AATK: variants seen among roughly 807,000 people sequenced by gnomAD.
The protein encoded by AATK is serine/threonine-protein kinase LMTK1.
A neutral mutation model predicts 114.3 loss-of-function variants in AATK; 91 were observed. The observed-to-expected ratio is 0.80, with a 90% CI of 0.67 to 0.95. The LOEUF is 0.95. AATK is among the 40% of genes least tolerant of loss of function. The pLI is 0.00. For synonymous variants in AATK, 1,075 were observed against 916.5 expected, an observed-to-expected ratio of 1.17 and a Z score of -3.12; for missense variants, 2,176 against 1,965.2, an observed-to-expected ratio of 1.11 and a Z score of -2.03.
Position 81,122,306 on chromosome 17 carries a change from C to A in AATK, c.1630G>T (p.Asp544Tyr). 1 of 1,509,830 alleles carries A rather than the reference C, an allele frequency of 6.6e-7. No individual in the cohort carries two copies. The highest frequency in any genetic ancestry group is 1.2e-5 in the South Asian group (1 of 81,920). 93.5% of individuals were successfully genotyped at this position (1,509,830 alleles called of 1,614,324 possible). ...LEEAAPAAGH[D>Y]PDCAGCAPSP... ...GGGGCGCAGCCGGCGCAGTCAGGGT[C>A]GTGGCCGGCGGCGGGTGCGGCCTCC... Residue 544 changes from aspartate to tyrosine, a missense_variant, in exon 11 of 14, where the codon GAC becomes TAC. Around this residue, in one of 4 missense-constraint regions of AATK, gnomAD observed 1,701 missense variants for 1,394.7 expected, o/e 1.22. Transcript: ENST00000326724.
chr17:81,119,651 A>ACGGGCC, intron 12 of AATK, 71 bp from the exon 13 acceptor site: 3 of 548,794 alleles, frequency 5.5e-6, no homozygotes, highest in South Asian at 6.7e-5. Context: ...TCCCACAGTC[A>ACGGGCC]CGGGCCCAGG....
intron 1 of AATK, chr17:81,160,174 GC>G (rs1385458882): frequency 9.7e-6 from 8 of 821,926 alleles, no homozygotes; most frequent in African/African-American, 1.9e-5. Flanking sequence ...CCTGGCCACG[GC>G]CCCCACCCCC....
chr17:81,151,295 A>G (rs59750634), intron 1 of AATK, among the ~76,000 whole-genome samples: 3 of 131,084 alleles, frequency 2.3e-5, no homozygotes, highest in Non-Finnish European at 4.9e-5. Flanking sequence ...TGTCTCCCCC[A>G]CCGACCCCTC....
chr17:81,163,389 C>T (rs974268264), intron 1 of AATK, among the ~76,000 whole-genome samples: 4 of 152,222 alleles, frequency 2.6e-5, no homozygotes, highest in African/African-American at 9.6e-5. Flanking sequence ...AGCCTGGACC[C>T]GGCCATCCTG....
chr17:81,148,258 C>T (rs1037361020), intron 1 of AATK, among the ~76,000 whole-genome samples: 5 of 152,152 alleles, frequency 3.3e-5, no homozygotes, highest in African/African-American at 1.2e-4. Context: ...AAACCTGATC[C>T]CATCACTGCT....
At position 81,126,956 on chromosome 17, in the gene AATK, AGTGT is replaced by A; in HGVS notation, c.622-400_622-397del. 1 of 600,924 alleles carries A rather than the reference AGTGT, an allele frequency of 1.7e-6. No individual in the cohort carries two copies. The highest frequency in any genetic ancestry group is 2.2e-6 in the Non-Finnish European group (1 of 455,472). 37.2% of individuals were successfully genotyped at this position (600,924 alleles called of 1,614,324 possible). A position where few individuals can be genotyped will look rare whatever the true frequency, so the allele number is the denominator to read the frequency against. ...GGTCAACGTCAGGAGTCCAGACGCC[AGTGT>A]GTGAGGGCCCCTGTCCCGAGGGAAG... On this transcript the variant is annotated intron_variant, in intron 6 of 13. Transcript: ENST00000326724. This position sits in a 1 kb window ranked among gnomAD's most constrained non-coding sequence, Gnocchi z 5.1.
intron 3 of AATK, among the ~76,000 whole-genome samples, chr17:81,130,515 C>G (rs115236684): frequency 6.6e-6 from 1 of 152,134 alleles, no homozygotes; most frequent in Non-Finnish European, 1.5e-5. Context: ...GGCCCCTCCT[C>G]GCAGCCTGAG....
chr17:81,132,639 C>G (rs371695274), intron 2 of AATK: 6 of 287,924 alleles, frequency 2.1e-5, no homozygotes, highest in African/African-American at 1.1e-4. Context: ...GGGTCGGGCC[C>G]GGGCTCCAGG....
At chr17:81,132,082 T>G (rs938794989) in intron 2 of AATK, 1 of 1,226,906 alleles carries the variant, frequency 8.2e-7, no homozygotes, top group Non-Finnish European at 1.1e-6. Flanking sequence ...CACCCCCAAG[T>G]CCAGGGCACA....
At position 81,120,872 on chromosome 17, in the gene AATK, C is replaced by T. The variant is rs201369084; in HGVS notation, c.3064G>A (p.Gly1022Arg). The change falls in exon 11 of 14, where the codon GGG becomes AGG. Residue 1022 changes from glycine to arginine, a missense_variant. Gly to Arg is a moderately radical substitution (Grantham distance 125). This residue lies in a region of AATK where 1,701 missense variants were observed against 1,394.7 expected (regional missense o/e 1.22). Coordinates refer to ENST00000326724, the MANE Select transcript of AATK (RefSeq NM_001080395.3). ...GTGCTCGGCAGGCCCAGCTCTGGCC[C>T]GGGGGCTCGGTCCCCGCCGCACTTC... ...EKKCGGDRAPGPELGLPSTGQ... is the reference protein window; with the variant it reads ...EKKCGGDRAPRPELGLPSTGQ... 2,157 of 1,576,620 alleles carry T rather than the reference C, an allele frequency of 1.4e-3. 2 individuals are homozygous for T. Among genetic ancestry groups the T allele is most frequent in the Non-Finnish European group, 1.6e-3 (1,901 of 1,161,292 alleles).
rs1568219571 is a variant in AATK, at chr17:81,121,338, G to A, written c.2598C>T (p.Ala866=). The change falls in exon 11 of 14, where the codon GCC becomes GCT. Residue 866 remains alanine (A), a synonymous_variant. Transcript: ENST00000326724. ...ACGTGTCGGTGAAGATGCCTGAGGT[G>A]GCCTCGGCCGTGTCCTCATCCTCAC... ...PSSEDEDTAE[A]TSGIFTDTSS... is the part of the protein sequence containing the mutation. The A allele has an allele frequency of 3.1e-6, 5 of 1,612,196 alleles. No individual in the cohort carries two copies. The highest frequency in any genetic ancestry group is 1.7e-6 in the Non-Finnish European group (2 of 1,179,760).
intron 1 of AATK, among the ~76,000 whole-genome samples, chr17:81,160,808 C>T (rs1218028569): frequency 6.6e-6 from 1 of 152,250 alleles, no homozygotes; most frequent in African/African-American, 2.4e-5. Flanking sequence ...GGAAGAACCC[C>T]GTGAGCTGGA....
At chr17:81,160,319 G>A in intron 1 of AATK, 1 of 764,968 alleles carries the variant, frequency 1.3e-6, no homozygotes, top group Non-Finnish European at 1.6e-6. Flanking sequence ...GCCCGCCCCA[G>A]CCCCACCCAA....
Position 81,119,958 on chromosome 17 carries a change from T to TG in AATK, c.3860dup (p.Asn1288LysfsTer67). The TG allele has an allele frequency of 2.1e-6, 3 of 1,449,764 alleles. No homozygotes were observed. Among genetic ancestry groups the TG allele is most frequent in the Non-Finnish European group, 2.7e-6 (3 of 1,102,880 alleles). 89.8% of individuals were successfully genotyped at this position (1,449,764 alleles called of 1,614,324 possible). A position where few individuals can be genotyped will look rare whatever the true frequency, so the allele number is the denominator to read the frequency against. On this transcript the variant is annotated frameshift_variant, in exon 12 of 14. Transcript: ENST00000326724. LOFTEE classifies it high-confidence loss of function. ...CACCCTCTTCCGCTGTGGAGCCATT[T>TG]GGGGAGCCATCAGCCTGCTGCGGCC... is the stretch of plus-strand genomic sequence containing the variant.
intron 1 of AATK, among the ~76,000 whole-genome samples, chr17:81,161,707 G>C (rs915984935): frequency 3.3e-5 from 5 of 152,298 alleles, no homozygotes; most frequent in Admixed American, 1.3e-4. Flanking sequence ...GAAGTTATGA[G>C]ACCTGTCCAT....
At chr17:81,145,448 T>C (rs1209159645) in intron 1 of AATK, among the ~76,000 whole-genome samples, 2 of 151,792 alleles carry the variant, frequency 1.3e-5, no homozygotes, top group African/African-American at 4.8e-5. Context: ...AAATGTCTGT[T>C]CCGGCTGGGC....
At chr17:81,137,696 G>C (rs1027840981) in intron 1 of AATK, among the ~76,000 whole-genome samples, 4 of 152,086 alleles carry the variant, frequency 2.6e-5, no homozygotes, top group Non-Finnish European at 5.9e-5. Flanking sequence ...GAAAACACAT[G>C]AAACACACAT....
intron 1 of AATK, among the ~76,000 whole-genome samples, chr17:81,142,018 T>C (rs985267561): frequency 3.4e-5 from 5 of 149,072 alleles, no homozygotes; most frequent in East Asian, 2.0e-4. Context: ...TGCAGTGGCA[T>C]GATCTCAGCT....
At position 81,121,930 on chromosome 17, in the gene AATK, G is replaced by A. The variant is rs754539605; in HGVS notation, c.2006C>T (p.Ala669Val). The A allele has an allele frequency of 1.1e-5, 18 of 1,600,408 alleles. No individual in the cohort carries two copies. In the South Asian group the frequency reaches 1.4e-4, roughly 13 times the overall value. ...GTGCCCGCGCTGGGCGGCCCTCCGC[G>A]CTCCCACCTCCTCTAGCTCATCCTC... ...TGEDELEEVG[A>V]RRAAQRGHWR... Residue 669 changes from alanine (A) to valine (V), a missense_variant, in exon 11 of 14, where the codon GCG becomes GTG. Ala to Val is a moderately conservative substitution (Grantham distance 64). Coordinates refer to ENST00000326724, the MANE Select transcript of AATK (RefSeq NM_001080395.3).
Sources: allele counts gnomAD v4.1 joint callset (sites outside exome capture counted in the v4.1 genomes callset), GRCh38; gene constraint gnomAD v4.1.1; regional missense constraint gnomAD v4.1.1; non-coding constraint Gnocchi (gnomAD v3.1); transcripts MANE v1.5; gene names NCBI Gene and HGNC (gene_info 2026-07-23, HGNC 2026-07-21).